PLAU: variants seen among roughly 807,000 people sequenced by gnomAD.
PLAU encodes plasminogen activator, urokinase.
In PLAU, 32 loss-of-function variants were observed where a neutral mutation model predicts 48.9. The observed-to-expected ratio is 0.65, with a 90% confidence interval of 0.49 to 0.88. The LOEUF is 0.88. Ranked by LOEUF, PLAU falls within the 40% of genes least tolerant of loss-of-function variation. The pLI is 0.00. For missense variants in PLAU, 455 were observed against 545.2 expected (o/e 0.83, Z 1.65); for synonymous variants, 199 against 205.7 (o/e 0.97, Z 0.28).
rs780329696 is a variant in PLAU at position 73,911,960 on chromosome 10, G to A, written c.58-81G>A. On this transcript the variant is annotated intron_variant, in intron 2 of 10. Coordinates refer to ENST00000372764, the MANE Select transcript of PLAU (RefSeq NM_002658.6). ...GAGGGAGAGGGAAGAGTGGGTTTTG[G>A]GATTGGGGCCAGTTTACCCTCACCC... 4.3e-6 allele frequency: 7 copies of A among 1,613,752 alleles called. No individual in the cohort carries two copies. The Admixed American group carries it at 1.2e-4, about 27-fold the overall frequency.
chr10:73,914,888 G>A lies in PLAU; in HGVS notation c.942G>A (p.Glu314=), dbSNP rs571485837. The stretch of plus-strand genomic sequence containing the variant: ...ATCCCCAGTTTGGCACAAGCTGTGA[G>A]ATCACTGGCTTTGGAAAAGAGAATT... ...YNDPQFGTSC[E]ITGFGKENST... The change falls in exon 9 of 11, where the codon GAG becomes GAA. Residue 314 remains glutamate, a synonymous_variant. Transcript: ENST00000372764. 2 of 1,614,200 alleles carry A rather than the reference G, an allele frequency of 1.2e-6. No individual in the cohort carries two copies. Among genetic ancestry groups the A allele is most frequent in the South Asian group, 2.2e-5 (2 of 91,090 alleles).
rs762167389 is a variant in PLAU, at chr10:73,914,832, C to T, written c.886C>T (p.Gln296Ter). Residue 296 changes from glutamine (Q) to a stop codon, truncating the protein, a stop_gained, in exon 9 of 11, where the codon CAG becomes TAG. Transcript: ENST00000372764. LOFTEE classifies it high-confidence loss of function. ...GTGTGCGCAGCCATCCCGGACTATA[C>T]AGACCATCTGCCTGCCCTCGATGTA... ...GRCAQPSRTI[Q>*]TICLPSMYND... is the part of the protein sequence containing the mutation. 3 of 1,614,138 alleles carry T rather than the reference C, an allele frequency of 1.9e-6. No individual in the cohort carries two copies. The highest frequency in any genetic ancestry group is 1.7e-6 in the Non-Finnish European group (2 of 1,179,962).
At position 73,914,830 on chromosome 10, in the gene PLAU, T is replaced by C. The variant is rs373330998; in HGVS notation, c.884T>C (p.Ile295Thr). 1.2e-6 allele frequency: 2 copies of C among 1,614,134 alleles called. No homozygotes were observed. The highest frequency in any genetic ancestry group is 1.3e-5 in the African/African-American group (1 of 75,054). ...EGRCAQPSRT[I>T]QTICLPSMYN... The stretch of plus-strand genomic sequence containing the variant: ...AGGTGTGCGCAGCCATCCCGGACTA[T>C]ACAGACCATCTGCCTGCCCTCGATG... Residue 295 changes from isoleucine (I) to threonine (T), a missense_variant, in exon 9 of 11, where the codon ATA (isoleucine) becomes ACA (threonine). Physicochemically the swap from Ile to Thr is moderately conservative, Grantham distance 89. Transcript: ENST00000372764.
rs771200321 is a variant in PLAU, at chr10:73,913,617, T to C, written c.539T>C (p.Ile180Thr). 45 of 1,613,736 alleles carry C rather than the reference T, an allele frequency of 2.8e-5. No individual in the cohort carries two copies. Among genetic ancestry groups the C allele is most frequent in the Non-Finnish European group, 3.6e-5 (42 of 1,179,880 alleles). ...QKTLRPRFKI[I>T]GGEFTTIENQ... is the part of the protein sequence containing the mutation. The stretch of plus-strand genomic sequence containing the variant: ...ACTCTGAGGCCCCGCTTTAAGATTA[T>C]TGGGGGAGAATTCACCACCATCGAG... Residue 180 changes from isoleucine (I) to threonine (T), a missense_variant, in exon 7 of 11, where the codon ATT becomes ACT. Transcript: ENST00000372764.
chr10:73,913,677 A>AC lies in PLAU; in HGVS notation c.601dup (p.Arg201ProfsTer28). On this transcript the variant is annotated frameshift_variant, in exon 7 of 11. Coordinates refer to ENST00000372764, the MANE Select transcript of PLAU (RefSeq NM_002658.6). LOFTEE classifies it high-confidence loss of function. ...TGGTTTGCGGCCATCTACAGGAGGCACCGGGGGGGCTCTGTCACCTACGTG... is the reference window on the plus strand; with the variant it reads ...TGGTTTGCGGCCATCTACAGGAGGCACCCGGGGGGGCTCTGTCACCTACGTG... The AC allele has an allele frequency of 6.2e-7, 1 of 1,613,550 alleles. No homozygotes were observed. Among genetic ancestry groups the AC allele is most frequent in the Non-Finnish European group, 8.5e-7 (1 of 1,179,906 alleles).
chr10:73,916,448 T>C lies in PLAU; in HGVS notation c.1179T>C (p.Ile393=), dbSNP rs1416796338. 6.2e-7 allele frequency: 1 copy of C among 1,613,750 alleles called. No homozygotes were observed. Among genetic ancestry groups the C allele is most frequent in the Non-Finnish European group, 8.5e-7 (1 of 1,179,888 alleles). Residue 393 remains isoleucine, a synonymous_variant, in exon 11 of 11, where the codon ATT becomes ATC. Coordinates refer to ENST00000372764, the MANE Select transcript of PLAU (RefSeq NM_002658.6). The part of the protein sequence containing the change: ...SLQGRMTLTG[I]VSWGRGCALK... ...AAGGCCGCATGACTTTGACTGGAATTGTGAGCTGGGGCCGTGGATGTGCCC... is the reference window on the plus strand; with the variant it reads ...AAGGCCGCATGACTTTGACTGGAATCGTGAGCTGGGGCCGTGGATGTGCCC...
chr10:73,916,016 G>C lies in PLAU; in HGVS notation c.1120-373G>C, dbSNP rs146277280. ...GCACTTTGGGAGGCCGAGGTGGATG[G>C]ATCACTTGAGGCCAGGAGTTTGAGA... On this transcript the variant is annotated intron_variant, in intron 10 of 10. Transcript: ENST00000372764. 1.6e-3 allele frequency among the ~76,000 whole-genome samples: 249 copies of C among 152,256 alleles called. 1 individual carries two copies. Among genetic ancestry groups the C allele is most frequent in the African/African-American group, 5.7e-3 (237 of 41,552 alleles).
rs576368029 is a variant in PLAU, at chr10:73,913,762, C to T, written c.680+4C>T. On this transcript the variant is annotated splice_donor_region_variant and intron_variant, in intron 7 of 10. Transcript: ENST00000372764. Reference sequence around the variant, plus strand: ...TCAGCGCCACACACTGCTTCATGTACGGCCCTGGGTTTCTCCTCTTCGACT... The same window carrying T: ...TCAGCGCCACACACTGCTTCATGTATGGCCCTGGGTTTCTCCTCTTCGACT... The T allele has an allele frequency of 2.7e-5, 43 of 1,581,174 alleles. No individual in the cohort carries two copies. Among genetic ancestry groups the T allele is most frequent in the South Asian group, 8.0e-5 (7 of 87,332 alleles).
chr10:73,910,097 T>G (rs2096121190), upstream of PLAU: 1 of 152,220 alleles, frequency 6.6e-6, no homozygotes. Flanking sequence ...CTTTTTGGAA[T>G]GGGCTATACA....
At chr10:73,913,878 A>G in intron 7 of PLAU, 102 bp from the exon 8 acceptor site, 1 of 1,399,138 alleles carries the variant, frequency 7.1e-7, no homozygotes, top group Non-Finnish European at 1.0e-6. Context: ...CATGCAGCCC[A>G]TGGCCTTGGG....
intron 7 of PLAU, 109 bp downstream of exon 7, chr10:73,913,867 C>T (rs1284593453): frequency 8.1e-6 from 11 of 1,354,682 alleles, no homozygotes; most frequent in East Asian, 6.9e-5. Context: ...CTGCCCCTGT[C>T]CATGCAGCCC....
rs533020384 is a variant in PLAU at position 73,912,413 on chromosome 10, G to A, written c.193+91G>A. The A allele has an allele frequency of 2.1e-4, 197 of 935,848 alleles. 3 individuals carry two copies. The South Asian group carries it at 2.8e-3, about 13-fold the overall frequency. 58.0% of individuals were successfully genotyped at this position (935,848 alleles called of 1,614,324 possible). A position where few individuals can be genotyped will look rare whatever the true frequency, so the allele number is the denominator to read the frequency against. On this transcript the variant is annotated intron_variant, in intron 4 of 10. Transcript: ENST00000372764. ...GAGCAGGCAGGAGTTAGGAGCTGGA[G>A]GTAGGGTGGGTGACATCTTCATCCC... is the stretch of plus-strand genomic sequence containing the variant.
chr10:73,911,471 T>C, intron 1 of PLAU, 54 bp from the exon 2 acceptor site: 1 of 1,536,330 alleles, frequency 6.5e-7, no homozygotes, highest in South Asian at 1.2e-5. Context: ...GTCGCCCGCC[T>C]GGCCTGCCTT....
Position 73,916,699 on chromosome 10 carries a change from A to C in PLAU, c.*134A>C. On this transcript the variant is annotated 3_prime_UTR_variant, in exon 11 of 11. Transcript: ENST00000372764. Reference sequence around the variant, plus strand: ...ACAGATGGATTTGCCTGTGCCACCCACCAGGGCGAACGACAATAGCTTTAC... The same window carrying C: ...ACAGATGGATTTGCCTGTGCCACCCCCCAGGGCGAACGACAATAGCTTTAC... 1.4e-6 allele frequency: 1 copy of C among 735,470 alleles called. No individual in the cohort carries two copies. The highest frequency in any genetic ancestry group is 2.2e-6 in the Non-Finnish European group (1 of 458,002). The allele number at this position is 735,470 out of a possible 1,614,324, so 45.6% of individuals were successfully genotyped here.
intron 10 of PLAU, among the ~76,000 whole-genome samples, chr10:73,915,943 T>C (rs2096135825): frequency 6.6e-6 from 1 of 151,856 alleles, no homozygotes; most frequent in South Asian, 2.1e-4. Flanking sequence ...CTTGATGTGG[T>C]AGAAAATGGG....
At chr10:73,913,488 G>A (rs563159701) in intron 6 of PLAU, 51 bp from the exon 7 acceptor site, 2 of 1,565,864 alleles carry the variant, frequency 1.3e-6, no homozygotes, top group South Asian at 2.2e-5. Flanking sequence ...GCCCGAGAGG[G>A]ATGCTTTCTC....
In PLAU at chr10:73,914,005, A is replaced by G. The variant is rs150389556; in HGVS notation, c.706A>G (p.Ile236Val). ...FIDYPKKEDY[I>V]VYLGRSRLNS... ...TGATTACCCAAAGAAGGAGGACTAC[A>G]TCGTCTACCTGGGTCGCTCAAGGCT... The change falls in exon 8 of 11, where the codon ATC becomes GTC. Residue 236 changes from isoleucine to valine, a missense_variant. Coordinates refer to ENST00000372764, the MANE Select transcript of PLAU (RefSeq NM_002658.6). 1.9e-4 allele frequency: 314 copies of G among 1,613,924 alleles called. No individual in the cohort carries two copies. The highest frequency in any genetic ancestry group is 4.3e-4 in the Admixed American group (26 of 60,012).
chr10:73,910,392 C>G (rs2096121552), upstream of PLAU: 1 of 152,234 alleles, frequency 6.6e-6, no homozygotes, highest in Non-Finnish European at 1.5e-5. Context: ...GGACTTTGTT[C>G]CCACAATCCT....
upstream of PLAU, chr10:73,910,627 G>A (rs1194821881): frequency 6.6e-6 from 1 of 152,246 alleles, no homozygotes; most frequent in African/African-American, 2.4e-5. Flanking sequence ...CACAGAGGGA[G>A]CCCCTACAGG....
Sources: gnomAD v4.1 joint callset for allele counts (sites outside exome capture counted in the v4.1 genomes callset) on GRCh38, gnomAD v4.1.1 for gene constraint, MANE v1.5 for transcripts, NCBI Gene and HGNC (gene_info 2026-07-23, HGNC 2026-07-21) for gene names.